RAB10: variants seen among roughly 807,000 people sequenced by gnomAD.
The protein encoded by RAB10 is RAB10, member RAS oncogene family.
A neutral mutation model predicts 25.7 loss-of-function variants in RAB10; 5 were observed. That is an observed-to-expected ratio of 0.19 (90% CI 0.10 to 0.41). RAB10 has a LOEUF of 0.41. RAB10 is among the 10% of genes least tolerant of loss of function. The pLI is 1.00. For missense variants in RAB10, 103 were observed against 245.8 expected (o/e 0.42, Z 3.89); for synonymous variants, 89 against 86.4 (o/e 1.03, Z -0.16).
chr2:26,092,762 T>G (rs771474183), intron 1 of RAB10, among the ~76,000 whole-genome samples: 20 of 152,162 alleles, frequency 1.3e-4, no homozygotes, highest in Non-Finnish European at 2.5e-4. Context: ...TAAGATTAAT[T>G]AATAAATTGT....
intron 2 of RAB10, among the ~76,000 whole-genome samples, chr2:26,108,302 A>G (rs1007641887): frequency 1.3e-5 from 2 of 152,238 alleles, no homozygotes; most frequent in African/African-American, 4.8e-5. Context: ...GACATACCAT[A>G]GAATGCTACC....
At chr2:26,060,619 T>C (rs1042354362) in intron 1 of RAB10, among the ~76,000 whole-genome samples, 10 of 152,224 alleles carry the variant, frequency 6.6e-5, no homozygotes, top group African/African-American at 2.4e-4. Context: ...AGGAAAATTG[T>C]ATATCCTTAT....
intron 1 of RAB10, among the ~76,000 whole-genome samples, chr2:26,069,709 G>C (rs1341416276): frequency 6.7e-6 from 1 of 149,058 alleles, no homozygotes. Flanking sequence ...CAACTACTCA[G>C]ATACTTTTTT....
At chr2:26,117,637 A>AAAAAAAC (rs1667720706) in intron 3 of RAB10, among the ~76,000 whole-genome samples, 9 of 138,136 alleles carry the variant, frequency 6.5e-5, no homozygotes, top group East Asian at 2.1e-4. Flanking sequence ...AAAAAAAAAC[A>AAAAAAAC]AAAAAAACAA....
At chr2:26,107,599 G>T (rs1193005778) in intron 2 of RAB10, among the ~76,000 whole-genome samples, 1 of 151,716 alleles carries the variant, frequency 6.6e-6, no homozygotes, top group Non-Finnish European at 1.5e-5. Context: ...AGTTTGAGAC[G>T]AGCCTGGCCA....
chr2:26,106,122 G>A (rs1285487415), intron 2 of RAB10, among the ~76,000 whole-genome samples: 1 of 152,184 alleles, frequency 6.6e-6, no homozygotes, highest in Non-Finnish European at 1.5e-5. Flanking sequence ...AGTTTTGATA[G>A]AGTAATCAGT....
chr2:26,118,995 A>G (rs1667748890), intron 3 of RAB10, among the ~76,000 whole-genome samples: 1 of 152,196 alleles, frequency 6.6e-6, no homozygotes. Flanking sequence ...TTGGCATAAG[A>G]AAATGTATGA....
chr2:26,035,968 A>G (rs1665755933), intron 1 of RAB10, among the ~76,000 whole-genome samples: 1 of 152,118 alleles, frequency 6.6e-6, no homozygotes, highest in African/African-American at 2.4e-5. Flanking sequence ...TTGGGAGGCA[A>G]ATTATCATAA....
At chr2:26,095,113 A>G (rs1295165815) in intron 1 of RAB10, among the ~76,000 whole-genome samples, 1 of 152,168 alleles carries the variant, frequency 6.6e-6, no homozygotes, top group African/African-American at 2.4e-5. Flanking sequence ...GGATTGTCAA[A>G]TCTGAACCAT....
chr2:26,095,972 C>T (rs1028240208), intron 1 of RAB10, among the ~76,000 whole-genome samples: 10 of 152,146 alleles, frequency 6.6e-5, no homozygotes, highest in South Asian at 2.1e-4. Context: ...CTGCCACTGC[C>T]GAAGTGCAAG....
rs530578914 is a variant in RAB10 at position 26,085,488 on chromosome 2, C to CAA, written c.128-13157_128-13156dup. On this transcript the variant is annotated intron_variant, in intron 1 of 5. Transcript: ENST00000264710. Reference sequence around the variant, plus strand: ...TGGGTGGCAGAGCAAGACTGTGTCTCAAAAAAAAAAAAAAAAAAGTTATGC... The same window carrying CAA: ...TGGGTGGCAGAGCAAGACTGTGTCTCAAAAAAAAAAAAAAAAAAAAGTTATGC... Among the ~76,000 whole-genome samples, 14 of 81,698 alleles carry CAA rather than the reference C, an allele frequency of 1.7e-4. No homozygotes were observed. In the East Asian group the frequency reaches 2.1e-3, roughly 12 times the overall value. 53.6% of individuals were successfully genotyped at this position (81,698 alleles called of 152,430 possible).
At chr2:26,038,635 C>G (rs142308873) in intron 1 of RAB10, among the ~76,000 whole-genome samples, 2 of 152,072 alleles carry the variant, frequency 1.3e-5, no homozygotes, top group Admixed American at 1.3e-4. Context: ...GTTTAAAATA[C>G]CATTGGGCGG....
intron 3 of RAB10, among the ~76,000 whole-genome samples, chr2:26,110,751 G>A (rs1667552895): frequency 6.6e-6 from 1 of 152,026 alleles, no homozygotes; most frequent in Non-Finnish European, 1.5e-5. Context: ...CATCACCCAG[G>A]CTGGAGTGCA....
intron 1 of RAB10, among the ~76,000 whole-genome samples, chr2:26,035,159 A>G (rs1436832818): frequency 3.3e-5 from 5 of 152,226 alleles, no homozygotes; most frequent in Admixed American, 3.3e-4. Flanking sequence ...AAAAGATTCC[A>G]TATGGTGATA....
Position 26,137,049 on chromosome 2 carries a change from T to C in RAB10, c.*2028T>C, listed in dbSNP as rs1303944898. On this transcript the variant is annotated 3_prime_UTR_variant, in exon 6 of 6. Coordinates refer to ENST00000264710, the MANE Select transcript of RAB10 (RefSeq NM_016131.5). ...TTATTTTAACCCTCTTTAATTCTTA[T>C]TCAATTCCATGACTTAAGGTTGGAG... The C allele has an allele frequency of 2.0e-5, 3 of 152,790 alleles. No homozygotes were observed. Among genetic ancestry groups the C allele is most frequent in the South Asian group, 2.1e-4 (1 of 4,834 alleles). 9.5% of individuals were successfully genotyped at this position (152,790 alleles called of 1,614,324 possible).
chr2:26,065,563 ATATT>A (rs1211616052), intron 1 of RAB10, among the ~76,000 whole-genome samples: 1 of 152,218 alleles, frequency 6.6e-6, no homozygotes, highest in African/African-American at 2.4e-5. Flanking sequence ...TGATTAGAAA[ATATT>A]TAATGATTTT....
At chr2:26,107,765 C>G (rs1322035716) in intron 2 of RAB10, among the ~76,000 whole-genome samples, 2 of 151,580 alleles carry the variant, frequency 1.3e-5, no homozygotes, top group Non-Finnish European at 2.9e-5. Context: ...CATTGCACTC[C>G]AGCCTGGGCG....
chr2:26,054,038 CTT>C (rs72487302), intron 1 of RAB10, among the ~76,000 whole-genome samples: 1 of 87,518 alleles, frequency 1.1e-5, no homozygotes, highest in Non-Finnish European at 2.3e-5. Flanking sequence ...CCCTTCTGTT[CTT>C]TTTTTTTTTT....
chr2:26,108,882 TTTA>T (rs1559595392), intron 2 of RAB10, among the ~76,000 whole-genome samples: 43 of 4,998 alleles, frequency 8.6e-3, no homozygotes, highest in African/African-American at 0.049. Flanking sequence ...TTGCTTTATA[TTTA>T]TTTATTTATT....
Sources: allele counts gnomAD v4.1 joint callset (sites outside exome capture counted in the v4.1 genomes callset), GRCh38; gene constraint gnomAD v4.1.1; transcripts MANE v1.5; gene names NCBI Gene and HGNC (gene_info 2026-07-23, HGNC 2026-07-21).